Variants in FAM117A observed in about 807,000 individuals in gnomAD.
FAM117A encodes the protein family with sequence similarity 117 member A.
A neutral mutation model predicts 44.1 loss-of-function variants in FAM117A; 21 were observed. The observed-to-expected ratio is 0.48, with a 90% CI of 0.34 to 0.69. The LOEUF (loss-of-function observed/expected upper bound fraction) is 0.69. Among genes scored for constraint, FAM117A ranks in the 30% least tolerant of loss-of-function variants. The pLI, the probability that FAM117A is intolerant of heterozygous loss-of-function variation, is 0.01. For synonymous variants in FAM117A, 220 were observed against 238.3 expected, an observed-to-expected ratio of 0.92 and a Z score of 0.71; for missense variants, 498 against 589.9, an observed-to-expected ratio of 0.84 and a Z score of 1.61.
intron 1 of FAM117A, among the ~76,000 whole-genome samples, chr17:49,747,804 A>G (rs905111601): frequency 2.0e-5 from 3 of 152,210 alleles, no homozygotes; most frequent in African/African-American, 7.2e-5. Context: ...TAGCTGTGAA[A>G]GAACCCCAAA....
intron 2 of FAM117A, among the ~76,000 whole-genome samples, chr17:49,723,870 G>A (rs944563437): frequency 3.3e-5 from 5 of 152,142 alleles, no homozygotes; most frequent in African/African-American, 1.2e-4. Flanking sequence ...TAGCCAGGGT[G>A]AGACAACTAC....
At chr17:49,739,801 T>TGTGC in intron 1 of FAM117A, among the ~76,000 whole-genome samples, 1 of 152,326 alleles carries the variant, frequency 6.6e-6, no homozygotes, top group Non-Finnish European at 1.5e-5. Flanking sequence ...GTTGGGGCAC[T>TGTGC]GGCTGGGTGG....
At chr17:49,728,926 T>C (rs917285788) in intron 2 of FAM117A, among the ~76,000 whole-genome samples, 1 of 152,248 alleles carries the variant, frequency 6.6e-6, no homozygotes, top group African/African-American at 2.4e-5. Context: ...ATCCGCACGC[T>C]TCCTCTTTCC....
chr17:49,785,894 G>A (rs143032318), intron 1 of FAM117A, among the ~76,000 whole-genome samples: 4 of 152,360 alleles, frequency 2.6e-5, no homozygotes, highest in African/African-American at 9.6e-5. Flanking sequence ...ACTGTCGAGA[G>A]TGTCAACGTG....
chr17:49,788,700 G>A (rs1167639813), upstream of FAM117A: 5 of 947,232 alleles, frequency 5.3e-6, no homozygotes, highest in East Asian at 1.3e-4. Flanking sequence ...TCCAGACGCT[G>A]AGAGGCAGGA....
intron 1 of FAM117A, among the ~76,000 whole-genome samples, chr17:49,736,669 C>T (rs2073612163): frequency 6.6e-6 from 1 of 152,190 alleles, no homozygotes; most frequent in Non-Finnish European, 1.5e-5. Flanking sequence ...TACCATTTCC[C>T]ACCCATGTCC....
chr17:49,728,137 T>C (rs2073568262), intron 2 of FAM117A, among the ~76,000 whole-genome samples: 4 of 152,250 alleles, frequency 2.6e-5, no homozygotes, highest in Admixed American at 6.5e-5. Flanking sequence ...TTGGTACTTT[T>C]GTCAAACTAT....
At chr17:49,713,961 C>G (rs2073490061) in intron 7 of FAM117A, among the ~76,000 whole-genome samples, 1 of 152,082 alleles carries the variant, frequency 6.6e-6, no homozygotes, top group South Asian at 2.1e-4. Context: ...CCTAGAGACT[C>G]CACAGTGGCA....
chr17:49,726,551 G>A (rs2073560842), intron 2 of FAM117A, among the ~76,000 whole-genome samples: 1 of 152,226 alleles, frequency 6.6e-6, no homozygotes. Flanking sequence ...ACACAGGTGT[G>A]GACTATAGCC....
At chr17:49,767,984 G>A (rs1167802234), upstream of FAM117A, among the ~76,000 whole-genome samples, 2 of 152,018 alleles carry the variant, frequency 1.3e-5, no homozygotes, top group Non-Finnish European at 2.9e-5. Flanking sequence ...AGACTTATTT[G>A]CTTTATGGGT....
At chr17:49,754,912 C>A (rs1386217880) in intron 1 of FAM117A, among the ~76,000 whole-genome samples, 2 of 151,770 alleles carry the variant, frequency 1.3e-5, no homozygotes, top group Admixed American at 6.6e-5. Context: ...GTGGTACATG[C>A]CTGTAATCCC....
intron 1 of FAM117A, among the ~76,000 whole-genome samples, chr17:49,737,952 C>G (rs554317376): frequency 1.3e-5 from 2 of 152,202 alleles, no homozygotes; most frequent in Non-Finnish European, 2.9e-5. Flanking sequence ...GCCTAGACAC[C>G]TGGAGGATGA....
At chr17:49,757,410 G>A (rs1029234675) in intron 1 of FAM117A, among the ~76,000 whole-genome samples, 1 of 152,176 alleles carries the variant, frequency 6.6e-6, no homozygotes, top group African/African-American at 2.4e-5. Flanking sequence ...AGTAAGGGTC[G>A]ATCAAGGCAT....
chr17:49,726,109 T>A (rs904753138), intron 2 of FAM117A, among the ~76,000 whole-genome samples: 5 of 152,242 alleles, frequency 3.3e-5, no homozygotes, highest in Non-Finnish European at 7.3e-5. Context: ...AATACATTTC[T>A]GTGGTATTAA....
chr17:49,771,498 AT>A (rs2073760971), intron 1 of FAM117A, among the ~76,000 whole-genome samples: 1 of 141,424 alleles, frequency 7.1e-6, no homozygotes, highest in Admixed American at 7.0e-5. Context: ...AAAAAAAAAA[AT>A]GTCCTCCTGC....
At chr17:49,745,915 A>G (rs1287900413) in intron 1 of FAM117A, among the ~76,000 whole-genome samples, 1 of 152,362 alleles carries the variant, frequency 6.6e-6, no homozygotes, top group South Asian at 2.1e-4. Flanking sequence ...AATGGACTAA[A>G]TGACATCTCT....
intron 6 of FAM117A, 98 bp downstream of exon 6, chr17:49,717,415 T>G: frequency 7.1e-6 from 7 of 980,612 alleles, no homozygotes; most frequent in South Asian, 1.5e-5. Context: ...AGTAGGGTAC[T>G]GAGAATGCTA....
chr17:49,777,571 T>C (rs1310833490), intron 1 of FAM117A, among the ~76,000 whole-genome samples: 1 of 152,044 alleles, frequency 6.6e-6, no homozygotes, highest in African/African-American at 2.4e-5. Context: ...TTAATAGCTG[T>C]TTTTGGAGGA....
intron 1 of FAM117A, among the ~76,000 whole-genome samples, chr17:49,750,512 C>A (rs567674421): frequency 6.6e-6 from 1 of 151,886 alleles, no homozygotes; most frequent in Non-Finnish European, 1.5e-5. Context: ...TGGTGGCTCA[C>A]GCCTGTAATC....
Sources: gnomAD v4.1 joint callset for allele counts (sites outside exome capture counted in the v4.1 genomes callset) on GRCh38, gnomAD v4.1.1 for gene constraint, MANE v1.5 for transcripts, NCBI Gene and HGNC (gene_info 2026-07-23, HGNC 2026-07-21) for gene names.